The following TEX15 variants were observed in gnomAD, a reference collection of about 807,000 sequenced individuals.
The protein encoded by TEX15 is testis-expressed protein 15.
A neutral mutation model predicts 237.3 loss-of-function variants in TEX15; 171 were observed. That is an observed-to-expected ratio of 0.72 (90% confidence interval 0.64 to 0.82). TEX15 has a LOEUF of 0.82. TEX15 is among the 40% of genes least tolerant of loss of function. The probability of loss-of-function intolerance (pLI) is 0.00; values close to 1 mark genes in which losing one functional copy is unlikely to be tolerated. For synonymous variants in TEX15, 1,338 were observed against 1,269.8 expected (o/e 1.05, Z -1.14); for missense variants, 3,750 against 3,646.5 (o/e 1.03, Z -0.73).
intron 5 of TEX15, among the ~76,000 whole-genome samples, chr8:30,864,707 A>G (rs1295716664): frequency 6.6e-6 from 1 of 151,916 alleles, no homozygotes; most frequent in Admixed American, 6.6e-5. Flanking sequence ...CAAAACCAAA[A>G]GGATGCTAAT....
intron 2 of TEX15, among the ~76,000 whole-genome samples, chr8:30,897,549 T>C (rs1808929718): frequency 6.6e-6 from 1 of 152,332 alleles, no homozygotes; most frequent in African/African-American, 2.4e-5. Flanking sequence ...AATTTCACTT[T>C]AGAATCAACC....
At chr8:30,877,767 A>G (rs1258828055) in intron 3 of TEX15, among the ~76,000 whole-genome samples, 1 of 152,184 alleles carries the variant, frequency 6.6e-6, no homozygotes, top group East Asian at 1.9e-4. Context: ...CAGTATCAAA[A>G]CTAGGAAAAT....
intron 7 of TEX15, among the ~76,000 whole-genome samples, chr8:30,857,715 A>C (rs1807941413): frequency 6.6e-6 from 1 of 152,232 alleles, no homozygotes; most frequent in African/African-American, 2.4e-5. Flanking sequence ...AAAGCAATTA[A>C]ATGCTGTACC....
At position 30,843,932 on chromosome 8, in the gene TEX15, T is replaced by C. The variant is rs201139074; in HGVS notation, c.6235A>G (p.Met2079Val). 4 of 1,612,976 alleles carry C rather than the reference T, an allele frequency of 2.5e-6. No individual in the cohort carries two copies. The highest frequency in any genetic ancestry group is 2.2e-5 in the East Asian group (1 of 44,868). The part of the protein sequence containing the change: ...AVDTLVELQM[M>V]METIQFIENK... ...TCAATGAATTGAATTGTTTCCATCA[T>C]CATTTGAAGTTCTACCAAAGTGTCA... The change falls in exon 8 of 11, where the codon ATG (methionine) becomes GTG (valine). Residue 2079 changes from methionine (M) to valine (V), a missense_variant. Transcript: ENST00000643185.
rs931384645 is a variant in TEX15 at position 30,874,938 on chromosome 8, T to A, written c.301A>T (p.Arg101Trp). Reference sequence around the variant, plus strand: ...CACGTTTAGATCATAGTAACTTACCTCTTAGCAGTAAAATTTTTTTCCAGT... The same window carrying A: ...CACGTTTAGATCATAGTAACTTACCACTTAGCAGTAAAATTTTTTTCCAGT... ...EELEKNFTAK[R>W]SEMRESGRHC... The change falls in exon 4 of 11, where the codon AGG (arginine) becomes TGG (tryptophan). Residue 101 changes from arginine to tryptophan, a missense_variant and splice_region_variant. By Grantham distance (101) the Arg-to-Trp change is moderately radical. Transcript: ENST00000643185. The A allele has an allele frequency of 7.5e-7, 1 of 1,330,642 alleles. No homozygotes were observed. Among genetic ancestry groups the A allele is most frequent in the African/African-American group, 1.5e-5 (1 of 67,478 alleles). The allele number at this position is 1,330,642 out of a possible 1,614,324, so 82.4% of individuals were successfully genotyped here.
At chr8:30,862,288 T>G (rs1345542301) in intron 5 of TEX15, among the ~76,000 whole-genome samples, 1 of 152,182 alleles carries the variant, frequency 6.6e-6, no homozygotes, top group Non-Finnish European at 1.5e-5. Context: ...ATCCTAACAT[T>G]ACAGAATTTG....
chr8:30,867,191 T>C (rs1422841870), intron 5 of TEX15, 74 bp downstream of exon 5: 1 of 561,104 alleles, frequency 1.8e-6, no homozygotes, highest in Non-Finnish European at 3.0e-6. Context: ...ACAATTTATA[T>C]CGAAAGGATA....
intron 1 of TEX15, among the ~76,000 whole-genome samples, chr8:30,911,173 G>A (rs925938164): frequency 2.3e-4 from 35 of 152,108 alleles, no homozygotes; most frequent in Non-Finnish European, 4.4e-5. Flanking sequence ...GGGCTGGAGT[G>A]CAGTGGTGCA....
Position 30,866,726 on chromosome 8 carries a change from TAC to T in TEX15, c.540+537_540+538del, listed in dbSNP as rs148604518. Among the ~76,000 whole-genome samples, 884 of 148,618 alleles carry T rather than the reference TAC, an allele frequency of 5.9e-3. 6 individuals are homozygous for T. Among genetic ancestry groups the T allele is most frequent in the African/African-American group, 0.019 (782 of 40,808 alleles). ...TATAAACAAGGCTTTGACACACACATACACACACACACACACACGCATGCACA... is the reference window on the plus strand; with the variant it reads ...TATAAACAAGGCTTTGACACACACATACACACACACACACACGCATGCACA... On this transcript the variant is annotated intron_variant, in intron 5 of 10. Transcript: ENST00000643185.
At chr8:30,870,442 G>T (rs1304051746) in intron 4 of TEX15, among the ~76,000 whole-genome samples, 1 of 151,738 alleles carries the variant, frequency 6.6e-6, no homozygotes, top group Non-Finnish European at 1.5e-5. Context: ...ATAAAACTCT[G>T]GGAAGTATTT....
At chr8:30,859,762 A>G in intron 6 of TEX15, 149 bp downstream of exon 6, 1 of 609,618 alleles carries the variant, frequency 1.6e-6, no homozygotes, top group Non-Finnish European at 2.4e-6. Context: ...ATTCCATACA[A>G]CAAATATTAA....
Position 30,867,415 on chromosome 8 carries a change from C to T in TEX15, c.390G>A (p.Gln130=). 6.5e-7 allele frequency: 1 copy of T among 1,534,706 alleles called. No individual in the cohort carries two copies. The highest frequency in any genetic ancestry group is 8.7e-7 in the Non-Finnish European group (1 of 1,145,930). The change falls in exon 5 of 11, where the codon CAG becomes CAA. Residue 130 remains glutamine, a synonymous_variant. Coordinates refer to ENST00000643185, the MANE Select transcript of TEX15 (RefSeq NM_001350162.2). ...TGGTACTTATTCCATTCTGATATATCTGGGCTACATCACTCTGGGGAAGTG... is the reference window on the plus strand; with the variant it reads ...TGGTACTTATTCCATTCTGATATATTTGGGCTACATCACTCTGGGGAAGTG... ...FLALPQSDVA[Q]IYQNGISTRA...
intron 1 of TEX15, among the ~76,000 whole-genome samples, chr8:30,902,689 G>A (rs1809030287): frequency 6.6e-6 from 1 of 152,180 alleles, no homozygotes; most frequent in South Asian, 2.1e-4. Context: ...ACTTCAGTGT[G>A]TATCAGAATC....
rs762046045 is a variant in TEX15, at chr8:30,847,518, A to G, written c.2649T>C (p.Tyr883=). The G allele has an allele frequency of 1.9e-6, 3 of 1,613,238 alleles. No individual in the cohort carries two copies. The highest frequency in any genetic ancestry group is 2.5e-6 in the Non-Finnish European group (3 of 1,179,842). ...TATGAGAATCCTGCTTTTTGTCTCC[A>G]TATATGTTCTCTATGTTGTTTTCTA... ...SCVENNIENI[Y]GDKKQDSHTN... is the part of the protein sequence containing the mutation. Residue 883 remains tyrosine (Y), a synonymous_variant, in exon 8 of 11, where the codon TAT becomes TAC. Coordinates refer to ENST00000643185, the MANE Select transcript of TEX15 (RefSeq NM_001350162.2).
chr8:30,887,477 G>A (rs945383823), intron 2 of TEX15, among the ~76,000 whole-genome samples, 166 bp from the exon 3 acceptor site: 1 of 152,096 alleles, frequency 6.6e-6, no homozygotes, highest in African/African-American at 2.4e-5. Flanking sequence ...AAAAGAAAAT[G>A]AGTTTACAAC....
rs549022743 is a variant in TEX15 at position 30,858,678 on chromosome 8, A to G, written c.840T>C (p.Pro280=). 4 of 1,532,936 alleles carry G rather than the reference A, an allele frequency of 2.6e-6. No homozygotes were observed. In the South Asian group the frequency reaches 3.6e-5, roughly 14 times the overall value. 95.0% of individuals were successfully genotyped at this position (1,532,936 alleles called of 1,614,324 possible). A position where few individuals can be genotyped will look rare whatever the true frequency, so the allele number is the denominator to read the frequency against. Residue 280 remains proline (P), a synonymous_variant, in exon 7 of 11, where the codon CCT becomes CCC. Coordinates refer to ENST00000643185, the MANE Select transcript of TEX15 (RefSeq NM_001350162.2). The stretch of plus-strand genomic sequence containing the variant: ...ATATGTGTATCTTACCAGCTCTCTT[A>G]GGAAATCCTGTTGAGAGGAATCTCA... ...TSLRFLSTGF[P]KRAERTCSLN... is the part of the protein sequence containing the mutation.
At chr8:30,911,600 G>A (rs1013471466) in intron 1 of TEX15, among the ~76,000 whole-genome samples, 3 of 152,190 alleles carry the variant, frequency 2.0e-5, no homozygotes, top group African/African-American at 7.2e-5. Flanking sequence ...AAAGCAATCA[G>A]TGCACTTAGG....
In TEX15 at chr8:30,842,910, T is replaced by C. The variant is rs1350115257; in HGVS notation, c.7257A>G (p.Thr2419=). 6.2e-7 allele frequency: 1 copy of C among 1,609,254 alleles called. No homozygotes were observed. Among genetic ancestry groups the C allele is most frequent in the Admixed American group, 1.7e-5 (1 of 59,538 alleles). Residue 2419 remains threonine (T), a synonymous_variant, in exon 8 of 11, where the codon ACA becomes ACG. Coordinates refer to ENST00000643185, the MANE Select transcript of TEX15 (RefSeq NM_001350162.2). ...TCACCACGTCTAAAACATTTTCTTC[T>C]GTGATAAAAATATTATCCATGTTAT... ...QDNNMDNIFI[T]EENVLDVVIN... is the part of the protein sequence containing the mutation.
In TEX15 at chr8:30,842,717, C is replaced by G. The variant is rs751785186; in HGVS notation, c.7450G>C (p.Glu2484Gln). Residue 2484 changes from glutamate to glutamine, a missense_variant, in exon 8 of 11, where the codon GAG becomes CAG. Coordinates refer to ENST00000643185, the MANE Select transcript of TEX15 (RefSeq NM_001350162.2). ...ATTTTTTCTTGGCACTGAACCAGCT[C>G]AGGAAGAAGTGACAAATCAAACCAA... ...MLWFDLSLLPELVQCQEKMAS... is the reference protein window; with the variant it reads ...MLWFDLSLLPQLVQCQEKMAS... 6.2e-7 allele frequency: 1 copy of G among 1,613,406 alleles called. No homozygotes were observed. The highest frequency in any genetic ancestry group is 1.7e-5 in the Admixed American group (1 of 59,992).
Sources: gnomAD v4.1 joint callset for allele counts (sites outside exome capture counted in the v4.1 genomes callset) on GRCh38, gnomAD v4.1.1 for gene constraint, MANE v1.5 for transcripts, NCBI Gene and HGNC (gene_info 2026-07-23, HGNC 2026-07-21) for gene names.